The following ICOS variants were observed in gnomAD, a reference collection of about 807,000 sequenced individuals.
ICOS encodes the protein inducible T cell costimulator, also known as inducible T-cell costimulator.
Under a neutral mutation model 24.6 loss-of-function variants are expected in ICOS, and 15 were observed. The ratio of observed to expected loss-of-function variants is 0.61; its 90% CI spans 0.41 to 0.94. The LOEUF is 0.94. Ranked by LOEUF, ICOS falls within the 40% of genes least tolerant of loss-of-function variation. The probability of loss-of-function intolerance (pLI) is 0.00; values close to 1 mark genes in which losing one functional copy is unlikely to be tolerated. For missense variants in ICOS, 200 were observed against 233.0 expected (o/e 0.86, Z 0.92); for synonymous variants, 89 against 77.5 (o/e 1.15, Z -0.78).
At chr2:203,950,781 G>A (rs1282206541) in intron 1 of ICOS, among the ~76,000 whole-genome samples, 2 of 152,024 alleles carry the variant, frequency 1.3e-5, no homozygotes, top group Non-Finnish European at 2.9e-5. Flanking sequence ...GAGCGTCCAG[G>A]CCAGGTGCGG....
chr2:203,952,892 C>T (rs1204163552), intron 1 of ICOS, among the ~76,000 whole-genome samples: 1 of 151,912 alleles, frequency 6.6e-6, no homozygotes, highest in African/African-American at 2.4e-5. Context: ...TTGTATGTCT[C>T]ATTATTTTTG....
At position 203,936,772 on chromosome 2, in the gene ICOS, T is replaced by A. The variant is rs1262971868; in HGVS notation, c.-43T>A. On this transcript the variant is annotated 5_prime_UTR_variant, in exon 1 of 5. Transcript: ENST00000316386. ...CCGAGAGCCTGAATTCACTGTCAGCTTTGAACACTGAACGCGAGGACTGTT... is the reference window on the plus strand; with the variant it reads ...CCGAGAGCCTGAATTCACTGTCAGCATTGAACACTGAACGCGAGGACTGTT... 4.6e-6 allele frequency: 7 copies of A among 1,534,378 alleles called. No homozygotes were observed. The highest frequency in any genetic ancestry group is 6.3e-6 in the Non-Finnish European group (7 of 1,107,576).
chr2:203,944,145 C>T (rs962966614), intron 1 of ICOS, among the ~76,000 whole-genome samples: 7 of 152,188 alleles, frequency 4.6e-5, no homozygotes, highest in Admixed American at 1.3e-4. Context: ...GGCCTCCCCC[C>T]AGTTCAGGCC....
intron 1 of ICOS, 44 bp from the exon 2 acceptor site, chr2:203,955,592 T>G (rs1690063321): frequency 1.4e-6 from 2 of 1,473,024 alleles, no homozygotes; most frequent in East Asian, 4.5e-5. Flanking sequence ...TAGGGCAACA[T>G]TATAAAATGT....
chr2:203,956,262 A>G (rs991157681), intron 2 of ICOS, among the ~76,000 whole-genome samples: 1 of 152,188 alleles, frequency 6.6e-6, no homozygotes, highest in Non-Finnish European at 1.5e-5. Context: ...ATTAAGACAA[A>G]TACTTAAACT....
chr2:203,942,376 C>G (rs931073001), intron 1 of ICOS, among the ~76,000 whole-genome samples: 5 of 152,268 alleles, frequency 3.3e-5, no homozygotes, highest in African/African-American at 1.2e-4. Context: ...ATATGTGAAT[C>G]CATTTCTGTA....
At chr2:203,956,861 T>C in intron 3 of ICOS, 96 bp downstream of exon 3, 1 of 837,060 alleles carries the variant, frequency 1.2e-6, no homozygotes, top group African/African-American at 1.7e-5. Context: ...TCAGAGTAAT[T>C]TGACCAACAG....
chr2:203,946,028 G>A (rs1378726031), intron 1 of ICOS, among the ~76,000 whole-genome samples: 3 of 152,168 alleles, frequency 2.0e-5, no homozygotes. Flanking sequence ...TGGGTATTCA[G>A]AGGTGTGGAT....
intron 2 of ICOS, among the ~76,000 whole-genome samples, chr2:203,956,385 T>A (rs1690078576): frequency 6.6e-6 from 1 of 152,206 alleles, no homozygotes; most frequent in Admixed American, 6.5e-5. Context: ...ATAACATTAC[T>A]TTTACTATTA....
intron 1 of ICOS, among the ~76,000 whole-genome samples, chr2:203,951,392 G>A (rs1356004412): frequency 6.6e-6 from 1 of 152,204 alleles, no homozygotes; most frequent in East Asian, 1.9e-4. Context: ...GAGAAAGCAG[G>A]TGTTAGAAAT....
At chr2:203,954,896 T>C (rs951672357) in intron 1 of ICOS, among the ~76,000 whole-genome samples, 4 of 149,260 alleles carry the variant, frequency 2.7e-5, no homozygotes, top group Admixed American at 1.3e-4. Context: ...TACATACATA[T>C]ATAAAATATA....
intron 3 of ICOS, among the ~76,000 whole-genome samples, 177 bp from the exon 4 acceptor site, chr2:203,957,621 GC>G (rs1690099943): frequency 6.6e-6 from 1 of 152,162 alleles, no homozygotes; most frequent in African/African-American, 2.4e-5. Context: ...TCAGTAGAAA[GC>G]TCTTTTTATG....
In ICOS at chr2:203,952,219, A is replaced by G. The variant is rs79741306; in HGVS notation, c.59-3417A>G. 2.4e-3 allele frequency among the ~76,000 whole-genome samples: 360 copies of G among 152,340 alleles called. 2 individuals carry two copies. The highest frequency in any genetic ancestry group is 8.2e-3 in the African/African-American group (342 of 41,580). On this transcript the variant is annotated intron_variant, in intron 1 of 4. Transcript: ENST00000316386. ...AAACCATTAGGCTGAATTTTGTGATACTAATTCAGATTATATTAACTATTT... is the reference window on the plus strand; with the variant it reads ...AAACCATTAGGCTGAATTTTGTGATGCTAATTCAGATTATATTAACTATTT...
intron 1 of ICOS, among the ~76,000 whole-genome samples, chr2:203,946,588 G>T (rs1689873372): frequency 6.6e-6 from 1 of 152,104 alleles, no homozygotes; most frequent in African/African-American, 2.4e-5. Context: ...ACTAACCAGG[G>T]ATCTAAAGGT....
At chr2:203,947,072 A>T (rs926683902) in intron 1 of ICOS, among the ~76,000 whole-genome samples, 8 of 152,206 alleles carry the variant, frequency 5.3e-5, no homozygotes, top group Admixed American at 2.6e-4. Context: ...TGGTGAAATG[A>T]AGTAGTCCAG....
intron 4 of ICOS, 121 bp from the exon 5 acceptor site, chr2:203,959,455 AGTGTGTGTGT>A (rs34098976): frequency 5.6e-6 from 4 of 718,340 alleles, no homozygotes; most frequent in Non-Finnish European, 1.0e-5. Context: ...TGTGTGTGTG[AGTGTGTGTGT>A]GTGTGTGTGT....
intron 1 of ICOS, among the ~76,000 whole-genome samples, chr2:203,942,502 G>A (rs996747516): frequency 6.6e-6 from 1 of 152,212 alleles, no homozygotes; most frequent in East Asian, 1.9e-4. Flanking sequence ...GAATGAAAAT[G>A]TCTAGGGAAA....
chr2:203,944,530 C>G (rs1314154567), intron 1 of ICOS, among the ~76,000 whole-genome samples: 1 of 152,178 alleles, frequency 6.6e-6, no homozygotes, highest in Non-Finnish European at 1.5e-5. Flanking sequence ...GATCTTTGCT[C>G]TCCTTTTCCC....
chr2:203,945,308 C>T (rs1414025729), intron 1 of ICOS, among the ~76,000 whole-genome samples: 1 of 152,084 alleles, frequency 6.6e-6, no homozygotes, highest in African/African-American at 2.4e-5. Context: ...TATTCATGAG[C>T]TGGAGTCAAC....
Sources: gnomAD v4.1 joint callset for allele counts (sites outside exome capture counted in the v4.1 genomes callset) on GRCh38, gnomAD v4.1.1 for gene constraint, MANE v1.5 for transcripts, NCBI Gene and HGNC (gene_info 2026-07-23, HGNC 2026-07-21) for gene names.